Variants in TCF3 observed in about 807,000 individuals in gnomAD.
TCF3 encodes the protein transcription factor E2-alpha.
A neutral mutation model predicts 72.3 loss-of-function variants in TCF3; 54 were observed. The observed-to-expected ratio is 0.75, with a 90% CI of 0.60 to 0.94. The LOEUF is 0.94. Ranked by LOEUF, TCF3 falls within the 40% of genes least tolerant of loss-of-function variation. The pLI is 0.00. For missense variants in TCF3, 1,078 were observed against 934.4 expected, an observed-to-expected ratio of 1.15 and a Z score of -2.00; for synonymous variants, 525 against 412.6, an observed-to-expected ratio of 1.27 and a Z score of -3.30.
intron 7 of TCF3, among the ~76,000 whole-genome samples, chr19:1,624,723 G>A (rs936280065): frequency 2.0e-5 from 3 of 152,204 alleles, no homozygotes; most frequent in African/African-American, 4.8e-5. Flanking sequence ...GGAAAAGTTC[G>A]AGTGGCCCAG....
At chr19:1,646,485 C>G (rs559083444) in intron 2 of TCF3, 58 bp from the exon 3 acceptor site, 24 of 1,497,928 alleles carry the variant, frequency 1.6e-5, no homozygotes, top group Middle Eastern at 1.7e-4. Flanking sequence ...ACCCTACAGT[C>G]CCGGGTTCAA....
chr19:1,629,694 T>C (rs1028726521), intron 5 of TCF3, among the ~76,000 whole-genome samples: 11 of 152,274 alleles, frequency 7.2e-5, no homozygotes, highest in Non-Finnish European at 1.2e-4. Context: ...TAAATCCCCT[T>C]CTGGCTGACA....
intron 8 of TCF3, among the ~76,000 whole-genome samples, chr19:1,623,139 G>A (rs746195698): frequency 2.0e-5 from 3 of 152,104 alleles, no homozygotes; most frequent in African/African-American, 4.8e-5. Context: ...GGAGCTGGTC[G>A]GCTGGAGGGG....
chr19:1,644,414 G>T (rs564749798), intron 3 of TCF3, among the ~76,000 whole-genome samples: 3 of 152,316 alleles, frequency 2.0e-5, no homozygotes, highest in African/African-American at 7.2e-5. Context: ...ACCCCTCTGT[G>T]TCCAGGAGCT....
intron 3 of TCF3, among the ~76,000 whole-genome samples, chr19:1,636,195 T>C (rs2145129147): frequency 6.6e-6 from 1 of 152,262 alleles, no homozygotes; most frequent in Middle Eastern, 3.4e-3. Flanking sequence ...GACAGGGTCT[T>C]GTTGCCCAGG....
chr19:1,649,206 G>C (rs1490727323), intron 2 of TCF3, among the ~76,000 whole-genome samples: 1 of 152,220 alleles, frequency 6.6e-6, no homozygotes, highest in South Asian at 2.1e-4. Context: ...TCTGCTCGGT[G>C]GCCCATGAAT....
At position 1,646,028 on chromosome 19, in the gene TCF3, G is replaced by A. The variant is rs565703488; in HGVS notation, c.145+327C>T. Among the ~76,000 whole-genome samples, 7 of 152,104 alleles carry A rather than the reference G, an allele frequency of 4.6e-5. No homozygotes were observed. In the East Asian group the frequency reaches 5.8e-4, roughly 13 times the overall value. On this transcript the variant is annotated intron_variant, in intron 3 of 18. Coordinates refer to ENST00000262965, the MANE Select transcript of TCF3 (RefSeq NM_003200.5). The stretch of plus-strand genomic sequence containing the variant: ...CCCCTTATGGATTGACTGGAGAAAC[G>A]GATGCTCGAGATCCCCACCCACACA...
chr19:1,650,629 T>C (rs2066874237), intron 1 of TCF3: 1 of 256,680 alleles, frequency 3.9e-6, no homozygotes, highest in Non-Finnish European at 7.4e-6. Flanking sequence ...GAACCTCTCC[T>C]TTCTCCAACT....
chr19:1,637,342 A>G (rs1039073285), intron 3 of TCF3, among the ~76,000 whole-genome samples: 1 of 152,080 alleles, frequency 6.6e-6, no homozygotes, highest in African/African-American at 2.4e-5. Flanking sequence ...CCTCCACCAG[A>G]ACCAGGGACA....
At chr19:1,625,851 T>A in intron 6 of TCF3, 143 bp from the exon 7 acceptor site, 1 of 1,063,810 alleles carries the variant, frequency 9.4e-7, no homozygotes, top group Non-Finnish European at 1.3e-6. Flanking sequence ...ACGGTGTTTC[T>A]CTGTGACACC....
chr19:1,619,844 T>C lies in TCF3; in HGVS notation c.1103A>G (p.Gln368Arg), dbSNP rs1369259526. The C allele has an allele frequency of 1.5e-5, 23 of 1,577,936 alleles. No individual in the cohort carries two copies. Among genetic ancestry groups the C allele is most frequent in the Non-Finnish European group, 2.0e-5 (23 of 1,162,868 alleles). The change falls in exon 14 of 19, where the codon CAG (glutamine) becomes CGG (arginine). Residue 368 changes from glutamine to arginine, a missense_variant. Transcript: ENST00000262965. ...GSPQGLAGTS[Q>R]WPRAGAPGAL... is the part of the protein sequence containing the mutation. ...ACCGGGGGCTCCTGCTCGAGGCCAC[T>C]GTGACGTTCCTGGAAGGGAGTGGGG...
Position 1,615,661 on chromosome 19 carries a change from G to C in TCF3, c.1586+25C>G. On this transcript the variant is annotated intron_variant, in intron 17 of 18. Coordinates refer to ENST00000262965, the MANE Select transcript of TCF3 (RefSeq NM_003200.5). The surrounding 1 kb of genome is among the most constrained non-coding windows in gnomAD (Gnocchi z 7.3). ...GTGCGTCCTGATGGGGTGAGGGTGG[G>C]GAGTGCCGAGGGGTGGGTTGGCACC... 1 of 1,613,178 alleles carries C rather than the reference G, an allele frequency of 6.2e-7. No individual in the cohort carries two copies. Among genetic ancestry groups the C allele is most frequent in the African/African-American group, 1.3e-5 (1 of 75,022 alleles).
Position 1,650,536 on chromosome 19 carries a change from G to A in TCF3, c.-39-249C>T, listed in dbSNP as rs976058340. On this transcript the variant is annotated intron_variant, in intron 1 of 18. Coordinates refer to ENST00000262965, the MANE Select transcript of TCF3 (RefSeq NM_003200.5). The stretch of plus-strand genomic sequence containing the variant: ...AGGGAGTCTGAAAAATGGGGGGAGG[G>A]TGTGCAAATATAAACTCCCTAACTC... 16 of 404,870 alleles carry A rather than the reference G, an allele frequency of 4.0e-5. No homozygotes were observed. The East Asian group carries it at 4.1e-4, about 10-fold the overall frequency. The allele number at this position is 404,870 out of a possible 1,614,324, so 25.1% of individuals were successfully genotyped here. A position where few individuals can be genotyped will look rare whatever the true frequency, so the allele number is the denominator to read the frequency against.
intron 1 of TCF3, chr19:1,651,360 C>T: frequency 4.4e-6 from 1 of 227,434 alleles, no homozygotes; most frequent in Non-Finnish European, 8.7e-6. Context: ...TCTTTGTCTG[C>T]CAACTGGAGG....
At position 1,637,993 on chromosome 19, in the gene TCF3, A is replaced by G. The variant is rs139446633; in HGVS notation, c.146-5588T>C. On this transcript the variant is annotated intron_variant, in intron 3 of 18. Transcript: ENST00000262965. ...TGAAGTTCAAGAAGTTCAATGATTT[A>G]CCCTAAAAAACGAGAAGACTGTCTT... 4.9e-3 allele frequency among the ~76,000 whole-genome samples: 747 copies of G among 152,354 alleles called. 3 individuals are homozygous for G. Among genetic ancestry groups the G allele is most frequent in the African/African-American group, 0.017 (700 of 41,582 alleles).
chr19:1,633,166 G>A (rs1469345683), intron 3 of TCF3, among the ~76,000 whole-genome samples: 1 of 152,220 alleles, frequency 6.6e-6, no homozygotes, highest in African/African-American at 2.4e-5. Flanking sequence ...TTCTGCCCTG[G>A]GCAGGGAGGG....
rs1410559396 is a variant in TCF3, at chr19:1,642,187, CAG to C, written c.145+4166_145+4167del. Among the ~76,000 whole-genome samples the C allele has an allele frequency of 3.7e-4, 54 of 145,830 alleles. 1 individual carries two copies. The highest frequency in any genetic ancestry group is 3.4e-3 in the Admixed American group (50 of 14,626). On this transcript the variant is annotated intron_variant, in intron 3 of 18. Transcript: ENST00000262965. ...ACACGCACGCGTACACACACGCACG[CAG>C]ACACAGACGCAGACACGCACACACG... is the stretch of plus-strand genomic sequence containing the variant.
chr19:1,633,841 A>G (rs1195563466), intron 3 of TCF3, among the ~76,000 whole-genome samples: 2 of 152,168 alleles, frequency 1.3e-5, no homozygotes, highest in Non-Finnish European at 2.9e-5. Context: ...TGCTGAGGCC[A>G]GGGTGGGCTG....
intron 3 of TCF3, among the ~76,000 whole-genome samples, chr19:1,643,377 C>T (rs535642475): frequency 6.2e-4 from 94 of 152,190 alleles, no homozygotes; most frequent in Middle Eastern, 3.4e-3. Context: ...TGCGCCACCA[C>T]GCCCAGCTAA....
Sources: allele counts gnomAD v4.1 joint callset (sites outside exome capture counted in the v4.1 genomes callset), GRCh38; gene constraint gnomAD v4.1.1; non-coding constraint Gnocchi (gnomAD v3.1); transcripts MANE v1.5; gene names NCBI Gene and HGNC (gene_info 2026-07-23, HGNC 2026-07-21).